The following GNG12 variants were observed in gnomAD, a reference collection of about 807,000 sequenced individuals.
GNG12 encodes G protein subunit gamma 12, also known as guanine nucleotide-binding protein G(I)/G(S)/G(O) subunit gamma-12.
For missense variants in GNG12, 69 were observed against 83.8 expected, an observed-to-expected ratio of 0.82 and a Z score of 0.69; for synonymous variants, 28 against 29.7, an observed-to-expected ratio of 0.94 and a Z score of 0.19.
At chr1:67,769,158 G>C (rs140219711) in intron 2 of GNG12, among the ~76,000 whole-genome samples, 2 of 152,304 alleles carry the variant, frequency 1.3e-5, no homozygotes, top group African/African-American at 4.8e-5. Flanking sequence ...CACCCAGAGA[G>C]ACTCCAACTT....
intron 1 of GNG12, among the ~76,000 whole-genome samples, chr1:67,807,720 T>A (rs1424166110): frequency 6.6e-6 from 1 of 151,914 alleles, no homozygotes; most frequent in Non-Finnish European, 1.5e-5. Context: ...CCAGATGAAA[T>A]GGACATACTC....
intron 1 of GNG12, among the ~76,000 whole-genome samples, chr1:67,798,672 C>A (rs1030237610): frequency 1.3e-5 from 2 of 151,962 alleles, no homozygotes; most frequent in South Asian, 2.1e-4. Context: ...AATAGTAAAT[C>A]TGGCTGGGCA....
At chr1:67,747,136 T>G (rs560511263) in intron 2 of GNG12, among the ~76,000 whole-genome samples, 2 of 152,342 alleles carry the variant, frequency 1.3e-5, no homozygotes, top group South Asian at 4.1e-4. Context: ...TTGTTTGTTT[T>G]TGAGACGGAC....
chr1:67,770,968 A>ATG (rs963303655), intron 2 of GNG12, among the ~76,000 whole-genome samples: 2 of 151,984 alleles, frequency 1.3e-5, no homozygotes. Context: ...ACCTGTGTGC[A>ATG]TGTGTGTGTG....
intron 2 of GNG12, among the ~76,000 whole-genome samples, chr1:67,770,045 G>T (rs1646664504): frequency 6.6e-6 from 1 of 152,192 alleles, no homozygotes; most frequent in African/African-American, 2.4e-5. Flanking sequence ...AAGAAGGGAA[G>T]TGTCTCACAC....
intron 2 of GNG12, among the ~76,000 whole-genome samples, chr1:67,771,587 G>C (rs1646674830): frequency 6.6e-6 from 1 of 152,198 alleles, no homozygotes; most frequent in South Asian, 2.1e-4. Context: ...GAGTTTGAAA[G>C]CCACTGACGA....
chr1:67,769,474 A>C (rs1168399949), intron 2 of GNG12, among the ~76,000 whole-genome samples: 1 of 152,218 alleles, frequency 6.6e-6, no homozygotes, highest in African/African-American at 2.4e-5. Flanking sequence ...TTGAATTTGC[A>C]GAGTTCATAA....
intron 2 of GNG12, among the ~76,000 whole-genome samples, chr1:67,770,784 C>T (rs1266626980): frequency 6.6e-6 from 1 of 151,982 alleles, no homozygotes; most frequent in Non-Finnish European, 1.5e-5. Flanking sequence ...AGTCAGGTAA[C>T]GACTTGCTGC....
chr1:67,751,647 A>G (rs189622871), intron 2 of GNG12, among the ~76,000 whole-genome samples: 1 of 152,348 alleles, frequency 6.6e-6, no homozygotes, highest in African/African-American at 2.4e-5. Flanking sequence ...ATACTTAGGT[A>G]ACCTGAAAAG....
chr1:67,742,277 A>C (rs1258839630), intron 2 of GNG12, among the ~76,000 whole-genome samples: 1 of 152,164 alleles, frequency 6.6e-6, no homozygotes, highest in Non-Finnish European at 1.5e-5. Flanking sequence ...TCATGACCCA[A>C]GTTCTGTTTA....
At chr1:67,716,955 C>T (rs1646328880) in intron 2 of GNG12, among the ~76,000 whole-genome samples, 1 of 152,198 alleles carries the variant, frequency 6.6e-6, no homozygotes, top group Non-Finnish European at 1.5e-5. Context: ...AGCCAATCCT[C>T]GGCAATAAAT....
chr1:67,781,610 G>A (rs1469187064), intron 1 of GNG12, among the ~76,000 whole-genome samples: 1 of 152,146 alleles, frequency 6.6e-6, no homozygotes, highest in Non-Finnish European at 1.5e-5. Flanking sequence ...GGTCTCTTCA[G>A]CAGCTGTAGG....
chr1:67,806,608 A>G (rs1646895823), intron 1 of GNG12, among the ~76,000 whole-genome samples: 1 of 152,084 alleles, frequency 6.6e-6, no homozygotes, highest in African/African-American at 2.4e-5. Flanking sequence ...AAGACATACC[A>G]TGCTAAAACT....
Position 67,803,424 on chromosome 1 carries a change from G to T in GNG12, c.-76-25917C>A, listed in dbSNP as rs1214487209. Among the ~76,000 whole-genome samples the T allele has an allele frequency of 2.0e-5, 3 of 152,228 alleles. No individual in the cohort carries two copies. The East Asian group carries it at 5.8e-4, about 29-fold the overall frequency. On this transcript the variant is annotated intron_variant, in intron 1 of 3. Transcript: ENST00000370982. The stretch of plus-strand genomic sequence containing the variant: ...CTTATATGGTGACAATGAAAAAAAG[G>T]TTGAGAAGCACTGATCTGGAGGAAG...
intron 2 of GNG12, among the ~76,000 whole-genome samples, chr1:67,729,848 A>G (rs1557598534): frequency 6.6e-6 from 1 of 152,218 alleles, no homozygotes; most frequent in Admixed American, 6.5e-5. Context: ...AAGCTACCAT[A>G]GATACCACAG....
intron 1 of GNG12, among the ~76,000 whole-genome samples, chr1:67,816,663 G>A (rs1646955186): frequency 2.0e-5 from 3 of 152,176 alleles, no homozygotes; most frequent in Admixed American, 1.3e-4. Context: ...GAGGGGTGGG[G>A]AAGAGTATAG....
At chr1:67,726,291 C>T (rs1045151157) in intron 2 of GNG12, among the ~76,000 whole-genome samples, 2 of 152,186 alleles carry the variant, frequency 1.3e-5, no homozygotes, top group African/African-American at 2.4e-5. Flanking sequence ...TGATGGTGGG[C>T]ACCTCATATT....
At chr1:67,724,509 C>A (rs547442476) in intron 2 of GNG12, among the ~76,000 whole-genome samples, 1 of 152,282 alleles carries the variant, frequency 6.6e-6, no homozygotes, top group Non-Finnish European at 1.5e-5. Context: ...CCTGCCTCAG[C>A]CTCCTGAGTA....
At position 67,702,484 on chromosome 1, in the gene GNG12, A is replaced by G. The variant is rs2100658445; in HGVS notation, c.*2967T>C. ...TGGTTTTTTTCCTGATAGTTTAAAG[A>G]TTAGTAAAGTACAAAAACAGTCTAA... On this transcript the variant is annotated 3_prime_UTR_variant, in exon 4 of 4. Transcript: ENST00000370982. 6.6e-6 allele frequency: 1 copy of G among 152,306 alleles called. No individual in the cohort carries two copies. Among genetic ancestry groups the G allele is most frequent in the South Asian group, 2.1e-4 (1 of 4,824 alleles). 9.4% of individuals were successfully genotyped at this position (152,306 alleles called of 1,614,324 possible). A position where few individuals can be genotyped will look rare whatever the true frequency, so the allele number is the denominator to read the frequency against.
Sources: allele counts gnomAD v4.1 joint callset (sites outside exome capture counted in the v4.1 genomes callset), GRCh38; gene constraint gnomAD v4.1.1; transcripts MANE v1.5; gene names NCBI Gene and HGNC (gene_info 2026-07-23, HGNC 2026-07-21).